The following ELOVL6 variants were observed in gnomAD, a reference collection of about 807,000 sequenced individuals.
ELOVL6 encodes the protein very long chain fatty acid elongase 6.
Under a neutral mutation model 31.7 loss-of-function variants are expected in ELOVL6, and 8 were observed. The observed-to-expected ratio is 0.25, with a 90% CI of 0.15 to 0.45. ELOVL6 has a LOEUF of 0.45. ELOVL6 is among the 20% of genes least tolerant of loss of function. The pLI is 1.00. For synonymous variants in ELOVL6, 101 were observed against 117.7 expected, an observed-to-expected ratio of 0.86 and a Z score of 0.92; for missense variants, 126 against 326.4, an observed-to-expected ratio of 0.39 and a Z score of 4.73.
intron 1 of ELOVL6, among the ~76,000 whole-genome samples, chr4:110,179,186 T>C (rs922256913): frequency 1.3e-4 from 20 of 152,060 alleles, no homozygotes; most frequent in Non-Finnish European, 2.9e-5. Flanking sequence ...ACAAATAAAA[T>C]ACATGTATGT....
intron 1 of ELOVL6, among the ~76,000 whole-genome samples, chr4:110,155,423 C>A (rs949761981): frequency 1.3e-4 from 20 of 151,840 alleles, no homozygotes; most frequent in African/African-American, 2.7e-4. Context: ...TTATTATTTA[C>A]AATAGTCAGA....
At chr4:110,054,422 G>C (rs1324585253) in intron 3 of ELOVL6, among the ~76,000 whole-genome samples, 1 of 152,296 alleles carries the variant, frequency 6.6e-6, no homozygotes, top group East Asian at 1.9e-4. Flanking sequence ...CAATAACGCA[G>C]ACACAATCAA....
In ELOVL6 at chr4:110,084,188, T is replaced by TATATGTGATATATGATATATAAAAC. The variant is rs1560814428; in HGVS notation, c.221+21308_221+21309insGTTTTATATATCATATATCACATAT. Among the ~76,000 whole-genome samples the TATATGTGATATATGATATATAAAAC allele has an allele frequency of 4.3e-3, 332 of 77,978 alleles. 1 individual carries two copies. Among genetic ancestry groups the TATATGTGATATATGATATATAAAAC allele is most frequent in the Non-Finnish European group, 5.9e-3 (250 of 42,698 alleles). The allele number at this position is 77,978 out of a possible 152,430, so 51.2% of individuals were successfully genotyped here. ...TGTGATATATATGATATATATAACA[T>TATATGTGATATATGATATATAAAAC]ATAACTTATATGATATATATAACAT... is the stretch of plus-strand genomic sequence containing the variant. On this transcript the variant is annotated intron_variant, in intron 2 of 3. Transcript: ENST00000302274.
intron 2 of ELOVL6, among the ~76,000 whole-genome samples, chr4:110,098,869 T>C (rs1166183884): frequency 2.6e-5 from 4 of 152,150 alleles, no homozygotes; most frequent in Non-Finnish European, 5.9e-5. Flanking sequence ...ATCCATTTAT[T>C]TTATATAAAT....
In ELOVL6 at chr4:110,130,477, C is replaced by A. The variant is rs577508116; in HGVS notation, c.90-24849G>T. On this transcript the variant is annotated intron_variant, in intron 1 of 3. Transcript: ENST00000302274. Reference sequence around the variant, plus strand: ...TCCTATACTTCCTGGGCATTCTGGCCGTAATTATTCTCATTTAATTAAGCT... The same window carrying A: ...TCCTATACTTCCTGGGCATTCTGGCAGTAATTATTCTCATTTAATTAAGCT... Among the ~76,000 whole-genome samples, 4 of 152,060 alleles carry A rather than the reference C, an allele frequency of 2.6e-5. No homozygotes were observed. The South Asian group carries it at 8.3e-4, about 32-fold the overall frequency.
intron 1 of ELOVL6, among the ~76,000 whole-genome samples, chr4:110,141,827 A>G (rs887314205): frequency 2.8e-5 from 4 of 142,764 alleles, no homozygotes; most frequent in Non-Finnish European, 6.0e-5. Flanking sequence ...ACAATACCAT[A>G]TATATATACA....
chr4:110,098,457 C>T (rs1197339595), intron 2 of ELOVL6, among the ~76,000 whole-genome samples: 1 of 151,990 alleles, frequency 6.6e-6, no homozygotes, highest in Non-Finnish European at 1.5e-5. Flanking sequence ...AGCTATTTTT[C>T]CCTGGTTTGA....
At chr4:110,186,105 G>A (rs1009280402) in intron 1 of ELOVL6, among the ~76,000 whole-genome samples, 1 of 152,002 alleles carries the variant, frequency 6.6e-6, no homozygotes, top group Non-Finnish European at 1.5e-5. Context: ...CAGAAGAATC[G>A]CTTGAACCCG....
chr4:110,198,355 C>A lies in ELOVL6; in HGVS notation c.-20G>T. 7.0e-7 allele frequency: 1 copy of A among 1,433,964 alleles called. No individual in the cohort carries two copies. The highest frequency in any genetic ancestry group is 9.8e-7 in the Non-Finnish European group (1 of 1,018,594). The allele number at this position is 1,433,964 out of a possible 1,614,324, so 88.8% of individuals were successfully genotyped here. A position where few individuals can be genotyped will look rare whatever the true frequency, so the allele number is the denominator to read the frequency against. Reference sequence around the variant, plus strand: ...GTTCATTGGGGCTGATCTTCGGAGTCGCTACGTGTTCTCTATACAAAATAA... The same window carrying A: ...GTTCATTGGGGCTGATCTTCGGAGTAGCTACGTGTTCTCTATACAAAATAA... On this transcript the variant is annotated 5_prime_UTR_variant, in exon 1 of 4. Transcript: ENST00000302274.
rs1553956743 is a variant in ELOVL6, at chr4:110,090,600, C to CTTTTTTGTTTTTTTTGT, written c.221+14896_221+14897insACAAAAAAAACAAAAAA. Among the ~76,000 whole-genome samples, 712 of 103,720 alleles carry CTTTTTTGTTTTTTTTGT rather than the reference C, an allele frequency of 6.9e-3. 24 individuals carry two copies. Among genetic ancestry groups the CTTTTTTGTTTTTTTTGT allele is most frequent in the African/African-American group, 0.029 (672 of 23,394 alleles). The allele number at this position is 103,720 out of a possible 152,430, so 68.0% of individuals were successfully genotyped here. ...GGAACTTACAGGAAAGTTTGACTTT[C>CTTTTTTGTTTTTTTTGT]TTTTTTTTTTTTTTTTTTTTCATGA... is the stretch of plus-strand genomic sequence containing the variant. On this transcript the variant is annotated intron_variant, in intron 2 of 3. Transcript: ENST00000302274.
At chr4:110,159,971 T>C (rs1758583118) in intron 1 of ELOVL6, among the ~76,000 whole-genome samples, 1 of 152,186 alleles carries the variant, frequency 6.6e-6, no homozygotes, top group Non-Finnish European at 1.5e-5. Context: ...TCGTTATTAT[T>C]GAGCTATATT....
intron 1 of ELOVL6, among the ~76,000 whole-genome samples, chr4:110,155,978 T>C (rs1758404983): frequency 6.6e-6 from 1 of 152,238 alleles, no homozygotes; most frequent in South Asian, 2.1e-4. Context: ...CACAGGCATT[T>C]GAAAAAGACA....
intron 2 of ELOVL6, among the ~76,000 whole-genome samples, chr4:110,084,560 A>ATTTT (rs1274237811): frequency 8.2e-5 from 4 of 48,848 alleles, no homozygotes; most frequent in African/African-American, 6.2e-4. Context: ...ACACACACAC[A>ATTTT]CAGATATATA....
chr4:110,153,697 A>G (rs1392996379), intron 1 of ELOVL6, among the ~76,000 whole-genome samples: 1 of 152,226 alleles, frequency 6.6e-6, no homozygotes, highest in African/African-American at 2.4e-5. Context: ...ATGCTCCAAC[A>G]TATATAGAGA....
chr4:110,131,872 G>A (rs1176673101), intron 1 of ELOVL6, among the ~76,000 whole-genome samples: 1 of 151,626 alleles, frequency 6.6e-6, no homozygotes, highest in Non-Finnish European at 1.5e-5. Context: ...TATTCAGAAT[G>A]GTATGAAGAG....
At chr4:110,150,120 C>T (rs1309810483) in intron 1 of ELOVL6, among the ~76,000 whole-genome samples, 7 of 152,050 alleles carry the variant, frequency 4.6e-5, no homozygotes, top group Non-Finnish European at 8.8e-5. Flanking sequence ...CTATGTGGCC[C>T]AGGCTGGTCC....
chr4:110,074,089 C>T (rs562487784), intron 2 of ELOVL6, among the ~76,000 whole-genome samples: 1 of 152,226 alleles, frequency 6.6e-6, no homozygotes, highest in East Asian at 1.9e-4. Context: ...GCAGACAGCC[C>T]AGGTTCTAAA....
rs192044871 is a variant in ELOVL6, at chr4:110,188,373, A to G, written c.89+9874T>C. On this transcript the variant is annotated intron_variant, in intron 1 of 3. Transcript: ENST00000302274. ...CCAGTGCAGCCAAGTTTTCAAGTGC[A>G]TTGTTTTTCTGATTGAATATTATAT... is the stretch of plus-strand genomic sequence containing the variant. Among the ~76,000 whole-genome samples, 161 of 152,206 alleles carry G rather than the reference A, an allele frequency of 1.1e-3. 3 individuals are homozygous for G. The highest frequency in any genetic ancestry group is 1.5e-3 in the Admixed American group (23 of 15,270).
rs568740540 is a variant in ELOVL6, at chr4:110,086,937, G to A, written c.221+18560C>T. 2.8e-4 allele frequency among the ~76,000 whole-genome samples: 43 copies of A among 152,146 alleles called. No individual in the cohort carries two copies. In the South Asian group the frequency reaches 6.4e-3, roughly 23 times the overall value. On this transcript the variant is annotated intron_variant, in intron 2 of 3. Transcript: ENST00000302274. ...AAGGATCTTATCCTTGAATGTGACC[G>A]TCCTATAATAGTATTTCCTTTGCAG...
Sources: allele counts gnomAD v4.1 joint callset (sites outside exome capture counted in the v4.1 genomes callset), GRCh38; gene constraint gnomAD v4.1.1; transcripts MANE v1.5; gene names NCBI Gene and HGNC (gene_info 2026-07-23, HGNC 2026-07-21).